SGCZ: variants seen among roughly 807,000 people sequenced by gnomAD.
SGCZ encodes the protein zeta-sarcoglycan.
A neutral mutation model predicts 41.3 loss-of-function variants in SGCZ; 40 were observed. That is an observed-to-expected ratio of 0.97 (90% CI 0.75 to 1.26). The LOEUF (loss-of-function observed/expected upper bound fraction) is 1.26. SGCZ is among the 50% of genes most tolerant of loss of function. The probability of loss-of-function intolerance (pLI) is 0.00; values close to 1 mark genes in which losing one functional copy is unlikely to be tolerated. For synonymous variants in SGCZ, 206 were observed against 137.5 expected (o/e 1.50, Z -3.49); for missense variants, 552 against 369.8 (o/e 1.49, Z -4.04).
chr8:14,713,095 G>T (rs910538972), intron 1 of SGCZ, among the ~76,000 whole-genome samples: 1 of 151,974 alleles, frequency 6.6e-6, no homozygotes, highest in Non-Finnish European at 1.5e-5. Context: ...TATTAAAAAA[G>T]TTTCTTGGAA....
At chr8:15,128,958 T>C (rs1383669540) in intron 1 of SGCZ, among the ~76,000 whole-genome samples, 1 of 152,162 alleles carries the variant, frequency 6.6e-6, no homozygotes, top group Non-Finnish European at 1.5e-5. Flanking sequence ...CTTGGTGAAT[T>C]CCAGCCATGT....
chr8:14,964,223 TCA>T (rs1801059338), intron 1 of SGCZ, among the ~76,000 whole-genome samples: 1 of 152,168 alleles, frequency 6.6e-6, no homozygotes, highest in South Asian at 2.1e-4. Flanking sequence ...AGCCCTATTT[TCA>T]AGATTGCAGC....
chr8:14,363,638 G>A (rs986449110), intron 2 of SGCZ, among the ~76,000 whole-genome samples: 1 of 152,056 alleles, frequency 6.6e-6, no homozygotes, highest in Non-Finnish European at 1.5e-5. Flanking sequence ...CTAAGAAAAA[G>A]TAAGGAGCAT....
intron 2 of SGCZ, among the ~76,000 whole-genome samples, chr8:14,548,354 C>G (rs1447310805): frequency 6.6e-6 from 1 of 152,128 alleles, no homozygotes; most frequent in Non-Finnish European, 1.5e-5. Context: ...AGAAAATACT[C>G]CACGGGCAGG....
At chr8:14,105,444 C>A (rs149847152) in intron 6 of SGCZ, among the ~76,000 whole-genome samples, 1 of 151,734 alleles carries the variant, frequency 6.6e-6, no homozygotes, top group South Asian at 2.1e-4. Flanking sequence ...CTTGGCCAAC[C>A]AATGAAACCG....
At chr8:14,133,921 G>C (rs1047160374) in intron 5 of SGCZ, among the ~76,000 whole-genome samples, 1 of 151,900 alleles carries the variant, frequency 6.6e-6, no homozygotes, top group East Asian at 1.9e-4. Context: ...AATATATTTA[G>C]GTACTATGCC....
At chr8:15,066,930 C>G (rs1338809973) in intron 1 of SGCZ, among the ~76,000 whole-genome samples, 1 of 152,134 alleles carries the variant, frequency 6.6e-6, no homozygotes, top group African/African-American at 2.4e-5. Context: ...AAAGTAATAC[C>G]TTTATACATA....
intron 1 of SGCZ, among the ~76,000 whole-genome samples, chr8:15,031,317 G>A (rs939785730): frequency 6.6e-6 from 1 of 152,100 alleles, no homozygotes; most frequent in African/African-American, 2.4e-5. Context: ...CCTCGCCCAG[G>A]CCTTGAGGTA....
chr8:14,627,915 T>A (rs537363335), intron 1 of SGCZ, among the ~76,000 whole-genome samples: 1 of 152,188 alleles, frequency 6.6e-6, no homozygotes, highest in Non-Finnish European at 1.5e-5. Context: ...TAATATAAAT[T>A]AATTCCTTTA....
intron 3 of SGCZ, among the ~76,000 whole-genome samples, chr8:14,287,415 C>T (rs970470574): frequency 1.3e-5 from 2 of 150,756 alleles, no homozygotes; most frequent in East Asian, 2.0e-4. Flanking sequence ...TACAAAGACA[C>T]ATATTATATT....
chr8:14,250,476 G>T (rs1799246633), intron 3 of SGCZ, among the ~76,000 whole-genome samples: 1 of 152,096 alleles, frequency 6.6e-6, no homozygotes. Flanking sequence ...TCAGCAGAAT[G>T]TGGGCAGAAG....
intron 1 of SGCZ, among the ~76,000 whole-genome samples, chr8:14,753,594 C>T (rs930240737): frequency 6.6e-6 from 1 of 152,208 alleles, no homozygotes; most frequent in African/African-American, 2.4e-5. Context: ...TCATGCTCCA[C>T]TTCCTCAGAG....
intron 2 of SGCZ, among the ~76,000 whole-genome samples, chr8:14,546,750 T>A (rs991145486): frequency 6.6e-6 from 1 of 152,124 alleles, no homozygotes; most frequent in African/African-American, 2.4e-5. Flanking sequence ...AAGCACGGAG[T>A]TATACCATGT....
At chr8:14,252,911 A>C (rs926518399) in intron 3 of SGCZ, among the ~76,000 whole-genome samples, 2 of 152,198 alleles carry the variant, frequency 1.3e-5, no homozygotes, top group Non-Finnish European at 2.9e-5. Context: ...TTGCAAATTT[A>C]GAAATTCAAA....
chr8:14,521,187 G>T (rs1016664198), intron 2 of SGCZ, among the ~76,000 whole-genome samples: 1 of 152,098 alleles, frequency 6.6e-6, no homozygotes, highest in Non-Finnish European at 1.5e-5. Context: ...ATTGCCCTTT[G>T]CAGCCACATC....
At position 14,236,026 on chromosome 8, in the gene SGCZ, A is replaced by G. The variant is rs545044656; in HGVS notation, c.424+1566T>C. 3.2e-4 allele frequency among the ~76,000 whole-genome samples: 49 copies of G among 152,274 alleles called. No homozygotes were observed. In the South Asian group the frequency reaches 0.01, roughly 32 times the overall value. ...ATTTCTACTAAGAACTTCTTTTTAT[A>G]TCAAGGACTGAATGCAAAAGGCAGT... On this transcript the variant is annotated intron_variant, in intron 4 of 7. Coordinates refer to ENST00000382080, the MANE Select transcript of SGCZ (RefSeq NM_139167.4).
rs1799404032 is a variant in SGCZ, at chr8:14,413,082, A to G, written c.235-88878T>C. On this transcript the variant is annotated intron_variant, in intron 2 of 7. Coordinates refer to ENST00000382080, the MANE Select transcript of SGCZ (RefSeq NM_139167.4). Reference sequence around the variant, plus strand: ...TTATGCTTTGCATAAAGATCAATGCATTAAAAAAATTGACCAAGTTCGCAT... The same window carrying G: ...TTATGCTTTGCATAAAGATCAATGCGTTAAAAAAATTGACCAAGTTCGCAT... Among the ~76,000 whole-genome samples the G allele has an allele frequency of 2.0e-5, 3 of 152,086 alleles. 1 individual carries two copies. The highest frequency in any genetic ancestry group is 4.1e-4 in the South Asian group (2 of 4,836).
intron 2 of SGCZ, among the ~76,000 whole-genome samples, chr8:14,474,573 T>C (rs1023846724): frequency 3.3e-5 from 5 of 151,984 alleles, no homozygotes; most frequent in African/African-American, 1.2e-4. Context: ...ATTTCAAGAA[T>C]AAAAAAAGAA....
At position 14,275,553 on chromosome 8, in the gene SGCZ, G is replaced by A. The variant is rs1006660230; in HGVS notation, c.337-37874C>T. On this transcript the variant is annotated intron_variant, in intron 3 of 7. Transcript: ENST00000382080. ...TTCCTTTTCCTTCTCTGCCATGTCA[G>A]ATGTGTCAGGGTTTAGGGGAAACAT... 2.0e-5 allele frequency among the ~76,000 whole-genome samples: 3 copies of A among 152,182 alleles called. No homozygotes were observed. In the East Asian group the frequency reaches 5.8e-4, roughly 29 times the overall value.
Sources: gnomAD v4.1 joint callset for allele counts (sites outside exome capture counted in the v4.1 genomes callset) on GRCh38, gnomAD v4.1.1 for gene constraint, MANE v1.5 for transcripts, NCBI Gene and HGNC (gene_info 2026-07-23, HGNC 2026-07-21) for gene names.